The following CCDC169 variants were observed in gnomAD, a reference collection of about 807,000 sequenced individuals.
The protein encoded by CCDC169 is coiled-coil domain containing 169, also known as coiled-coil domain-containing protein 169.
CCDC169 carries 30 observed loss-of-function variants against 36.0 expected under a neutral mutation model. That is an observed-to-expected ratio of 0.83 (90% CI 0.62 to 1.13). The LOEUF (loss-of-function observed/expected upper bound fraction) is 1.13, where lower values mean the gene tolerates loss of function less well. Ranked by LOEUF, CCDC169 falls within the 50% of genes most tolerant of loss-of-function variation. CCDC169 has a pLI of 0.00. For missense variants in CCDC169, 245 were observed against 245.9 expected (o/e 1.00, Z 0.03); for synonymous variants, 85 against 81.5 (o/e 1.04, Z -0.23).
At chr13:36,245,131 T>C (rs1443654950) in intron 7 of CCDC169, among the ~76,000 whole-genome samples, 3 of 152,282 alleles carry the variant, frequency 2.0e-5, no homozygotes, top group Non-Finnish European at 4.4e-5. Flanking sequence ...CTGATTCACA[T>C]GTTGGCTTAA....
rs536449284 is a variant in CCDC169 at position 36,271,631 on chromosome 13, A to G, written c.315+11838T>C. Among the ~76,000 whole-genome samples, 32 of 152,310 alleles carry G rather than the reference A, an allele frequency of 2.1e-4. No homozygotes were observed. The South Asian group carries it at 6.6e-3, about 32-fold the overall frequency. On this transcript the variant is annotated intron_variant, in intron 4 of 7. Coordinates refer to ENST00000239859, the MANE Select transcript of CCDC169 (RefSeq NM_001144981.3). Reference sequence around the variant, plus strand: ...AGTAACTTGGATGGAATAGAAGGGTAATATTCTAAGTGAAGTAACACAGGA... The same window carrying G: ...AGTAACTTGGATGGAATAGAAGGGTGATATTCTAAGTGAAGTAACACAGGA...
At chr13:36,227,475 TACAC>T, downstream of CCDC169, 4 of 1,142,726 alleles carry the variant, frequency 3.5e-6, no homozygotes, top group Non-Finnish European at 4.6e-6. Context: ...ATTGTATTTT[TACAC>T]ACACACACAC....
intron 4 of CCDC169, among the ~76,000 whole-genome samples, chr13:36,282,036 G>A (rs894263832): frequency 6.6e-6 from 1 of 151,958 alleles, no homozygotes; most frequent in Non-Finnish European, 1.5e-5. Flanking sequence ...AGTCAACAAC[G>A]AGTGCCCATC....
At chr13:36,239,301 G>C (rs1222142952) in intron 7 of CCDC169, among the ~76,000 whole-genome samples, 1 of 151,742 alleles carries the variant, frequency 6.6e-6, no homozygotes, top group South Asian at 2.1e-4. Flanking sequence ...CATAGTAAGA[G>C]AAAATATTCT....
chr13:36,285,172 T>A (rs780635639), intron 2 of CCDC169, among the ~76,000 whole-genome samples: 2 of 152,222 alleles, frequency 1.3e-5, no homozygotes, highest in Non-Finnish European at 2.9e-5. Flanking sequence ...TTGGCACATC[T>A]GAGTACAGTT....
intron 4 of CCDC169, among the ~76,000 whole-genome samples, chr13:36,261,634 G>A (rs544875869): frequency 2.0e-5 from 3 of 152,298 alleles, no homozygotes; most frequent in African/African-American, 7.2e-5. Flanking sequence ...ATCCAAGACT[G>A]GCAGCCTAGC....
At chr13:36,254,355 A>G (rs912081846) in intron 4 of CCDC169, among the ~76,000 whole-genome samples, 9 of 149,480 alleles carry the variant, frequency 6.0e-5, no homozygotes, top group Non-Finnish European at 1.3e-4. Flanking sequence ...GGCTCACTGC[A>G]ACCTCCGCCT....
Position 36,297,787 on chromosome 13 carries a change from C to T in CCDC169, c.-68G>A. ...TTAGAGCACAAGACATTAAGGGCCA[C>T]CCAGAAGCCAGTACGGCACGAGGCG... On this transcript the variant is annotated 5_prime_UTR_variant, in exon 1 of 8. In the 5' UTR this introduces an upstream ATG that the reference lacks. Transcript: ENST00000239859. 7.0e-7 allele frequency: 1 copy of T among 1,434,558 alleles called. No homozygotes were observed. Among genetic ancestry groups the T allele is most frequent in the Non-Finnish European group, 9.5e-7 (1 of 1,047,234 alleles). The allele number at this position is 1,434,558 out of a possible 1,614,324, so 88.9% of individuals were successfully genotyped here.
intron 4 of CCDC169, chr13:36,280,705 G>A (rs965721729): frequency 6.6e-6 from 1 of 152,068 alleles, no homozygotes; most frequent in African/African-American, 2.4e-5. Context: ...AAACAGAACT[G>A]TCTACAGTGG....
At chr13:36,228,276 C>A (rs1449223962), downstream of CCDC169, among the ~76,000 whole-genome samples, 1 of 152,130 alleles carries the variant, frequency 6.6e-6, no homozygotes. Context: ...TATATCCCCA[C>A]CAGCAACATA....
intron 7 of CCDC169, among the ~76,000 whole-genome samples, chr13:36,248,257 C>T (rs1197290114): frequency 6.6e-6 from 1 of 152,100 alleles, no homozygotes; most frequent in Admixed American, 6.6e-5. Context: ...TGCTTCATTA[C>T]AGTGATCCGG....
At chr13:36,282,377 C>G in intron 4 of CCDC169, 1 of 985,346 alleles carries the variant, frequency 1.0e-6, no homozygotes, top group Non-Finnish European at 1.2e-6. Flanking sequence ...AAGAGGGTCT[C>G]TTGACTGGAT....
chr13:36,269,206 T>C (rs1328679746), intron 4 of CCDC169, among the ~76,000 whole-genome samples: 1 of 152,018 alleles, frequency 6.6e-6, no homozygotes, highest in African/African-American at 2.4e-5. Flanking sequence ...CATACAACCC[T>C]CCTAGGTTAA....
intron 2 of CCDC169, among the ~76,000 whole-genome samples, chr13:36,294,870 G>A (rs1299021976): frequency 1.3e-5 from 2 of 152,130 alleles, no homozygotes; most frequent in Non-Finnish European, 2.9e-5. Context: ...GTAATCTATA[G>A]ATAACATAAC....
At chr13:36,239,829 T>C (rs186730556) in intron 7 of CCDC169, among the ~76,000 whole-genome samples, 195 of 123,974 alleles carry the variant, frequency 1.6e-3, no homozygotes, top group African/African-American at 4.8e-3. Context: ...ATGGTTTTAC[T>C]TTCCAGTTTC....
At chr13:36,239,961 G>T (rs1387848773) in intron 7 of CCDC169, among the ~76,000 whole-genome samples, 1 of 152,102 alleles carries the variant, frequency 6.6e-6, no homozygotes, top group Non-Finnish European at 1.5e-5. Flanking sequence ...TAATTAAGTT[G>T]TATTATTAGT....
At chr13:36,277,843 G>T (rs1449463545) in intron 4 of CCDC169, among the ~76,000 whole-genome samples, 1 of 151,880 alleles carries the variant, frequency 6.6e-6, no homozygotes, top group Non-Finnish European at 1.5e-5. Flanking sequence ...TACTCGGGAG[G>T]CTGAGGCAGG....
intron 4 of CCDC169, among the ~76,000 whole-genome samples, chr13:36,274,892 A>C (rs1477709912): frequency 1.4e-5 from 1 of 72,570 alleles, no homozygotes; most frequent in African/African-American, 4.6e-5. Context: ...TTTTTTTGAG[A>C]CAAAGTCTCC....
At chr13:36,268,840 C>T (rs936568680) in intron 4 of CCDC169, among the ~76,000 whole-genome samples, 16 of 152,194 alleles carry the variant, frequency 1.1e-4, no homozygotes, top group African/African-American at 3.9e-4. Context: ...CATGGTGGCT[C>T]ATGCCTGTAA....
Sources: gnomAD v4.1 joint callset for allele counts (sites outside exome capture counted in the v4.1 genomes callset) on GRCh38, gnomAD v4.1.1 for gene constraint, MANE v1.5 for transcripts, NCBI Gene and HGNC (gene_info 2026-07-23, HGNC 2026-07-21) for gene names.